Variants in PEX5L observed in about 807,000 individuals in gnomAD.
PEX5L encodes PEX5-related protein.
A neutral mutation model predicts 84.0 loss-of-function variants in PEX5L; 30 were observed. The observed-to-expected ratio is 0.36, with a 90% CI of 0.27 to 0.48. PEX5L has a LOEUF of 0.48. PEX5L is among the 20% of genes least tolerant of loss of function. The pLI, the probability that PEX5L is intolerant of heterozygous loss-of-function variation, is 0.99. For synonymous variants in PEX5L, 270 were observed against 283.1 expected, an observed-to-expected ratio of 0.95 and a Z score of 0.46; for missense variants, 533 against 754.6, an observed-to-expected ratio of 0.71 and a Z score of 3.44.
chr3:179,816,612 A>G (rs1260900077), intron 9 of PEX5L, among the ~76,000 whole-genome samples: 2 of 152,186 alleles, frequency 1.3e-5, no homozygotes, highest in Non-Finnish European at 2.9e-5. Flanking sequence ...GGGGAGGGAT[A>G]GCAACAGGAG....
intron 1 of PEX5L, among the ~76,000 whole-genome samples, chr3:179,977,163 T>A (rs949945849): frequency 3.3e-5 from 5 of 152,208 alleles, no homozygotes; most frequent in Non-Finnish European, 5.9e-5. Flanking sequence ...AATTTTTTTA[T>A]AATTAAAGAA....
chr3:180,007,973 A>C (rs1424168290), intron 1 of PEX5L, among the ~76,000 whole-genome samples: 1 of 152,238 alleles, frequency 6.6e-6, no homozygotes, highest in Non-Finnish European at 1.5e-5. Context: ...CTTGGGGATT[A>C]ACATTAGGCT....
chr3:179,836,701 A>C (rs762416397), intron 8 of PEX5L, among the ~76,000 whole-genome samples: 7 of 152,200 alleles, frequency 4.6e-5, no homozygotes, highest in Non-Finnish European at 7.3e-5. Flanking sequence ...AAAACCAATT[A>C]GATCATTTAA....
intron 4 of PEX5L, among the ~76,000 whole-genome samples, chr3:179,883,614 T>A (rs1295224047): frequency 2.0e-5 from 3 of 152,022 alleles, no homozygotes; most frequent in Non-Finnish European, 4.4e-5. Flanking sequence ...AGAAACCCCG[T>A]CTCTACTAAA....
chr3:179,830,294 C>CCCCT (rs1553845042), intron 8 of PEX5L, among the ~76,000 whole-genome samples: 6 of 142,948 alleles, frequency 4.2e-5, no homozygotes, highest in African/African-American at 1.7e-4. Context: ...CGCCCCCCCC[C>CCCCT]TTTTTTTTAT....
chr3:179,866,716 C>A (rs958855040), intron 7 of PEX5L, among the ~76,000 whole-genome samples: 2 of 151,876 alleles, frequency 1.3e-5, no homozygotes, highest in Non-Finnish European at 2.9e-5. Flanking sequence ...AAACAGCTAA[C>A]AAACATTTGT....
chr3:179,954,605 T>C (rs529213982), intron 2 of PEX5L, among the ~76,000 whole-genome samples: 1 of 152,256 alleles, frequency 6.6e-6, no homozygotes, highest in East Asian at 1.9e-4. Context: ...CTACTGATTG[T>C]ATCTGTAAAT....
chr3:179,879,842 T>C, intron 5 of PEX5L, 87 bp downstream of exon 5: 1 of 908,304 alleles, frequency 1.1e-6, no homozygotes, highest in Non-Finnish European at 1.7e-6. Flanking sequence ...CTTTGTTCTC[T>C]GTTTAATGCC....
chr3:179,914,548 G>A (rs1297635436), intron 2 of PEX5L, among the ~76,000 whole-genome samples: 1 of 152,130 alleles, frequency 6.6e-6, no homozygotes, highest in Non-Finnish European at 1.5e-5. Flanking sequence ...ACAGTCATGT[G>A]GGCACAAAGG....
At position 179,819,855 on chromosome 3, in the gene PEX5L, G is replaced by C. The variant is rs375053953; in HGVS notation, c.939+5C>G. ...GTCAGCATGTATAGGAACAGAATTG[G>C]TTACCTTCTCACTAGCCGAGATGGT... On this transcript the variant is annotated splice_donor_5th_base_variant and intron_variant, in intron 9 of 14. Transcript: ENST00000467460. The C allele has an allele frequency of 1.2e-6, 2 of 1,613,410 alleles. No homozygotes were observed. Among genetic ancestry groups the C allele is most frequent in the African/African-American group, 2.7e-5 (2 of 74,884 alleles).
At chr3:179,917,659 T>G (rs1183105631) in intron 2 of PEX5L, among the ~76,000 whole-genome samples, 1 of 151,332 alleles carries the variant, frequency 6.6e-6, no homozygotes, top group Non-Finnish European at 1.5e-5. Flanking sequence ...TGAAACGTCT[T>G]TTTTTTTTGA....
chr3:179,811,812 G>A lies in PEX5L; in HGVS notation c.1143C>T (p.Val381=), dbSNP rs78759061. The A allele has an allele frequency of 2.7e-5, 43 of 1,613,392 alleles. No homozygotes were observed. The highest frequency in any genetic ancestry group is 2.5e-4 in the East Asian group (11 of 44,894). ...AENENEQAAI[V]ALQRCLELQP... ...TTAGCTTCCTTTACCTCTGGAGGGC[G>A]ACAATAGCTGCTTGTTCATTTTCAT... The change falls in exon 11 of 15, where the codon GTC becomes GTT. Residue 381 remains valine, a synonymous_variant. Transcript: ENST00000467460.
intron 2 of PEX5L, among the ~76,000 whole-genome samples, chr3:179,902,350 A>G (rs1032362846): frequency 6.6e-6 from 1 of 152,210 alleles, no homozygotes; most frequent in African/African-American, 2.4e-5. Context: ...TCTGACTGCC[A>G]TAAATGTCCG....
At position 179,898,132 on chromosome 3, in the gene PEX5L, G is replaced by A. The variant is rs183837649; in HGVS notation, c.198+10C>T. Reference sequence around the variant, plus strand: ...TCAGCTTCCTACAGAAACCCTATGGGTCTGCCCACCTGTGATGTCATAGTA... The same window carrying A: ...TCAGCTTCCTACAGAAACCCTATGGATCTGCCCACCTGTGATGTCATAGTA... On this transcript the variant is annotated intron_variant, in intron 3 of 14. Transcript: ENST00000467460. The A allele has an allele frequency of 1.2e-3, 1,851 of 1,558,302 alleles. 12 individuals carry two copies. The highest frequency in any genetic ancestry group is 5.0e-3 in the South Asian group (449 of 89,822).
intron 3 of PEX5L, among the ~76,000 whole-genome samples, chr3:179,897,138 C>T (rs879677358): frequency 3.9e-5 from 6 of 152,042 alleles, no homozygotes; most frequent in East Asian, 1.9e-4. Flanking sequence ...GGATGAGATC[C>T]GCTGATATTC....
intron 8 of PEX5L, among the ~76,000 whole-genome samples, chr3:179,842,523 A>G (rs1194024077): frequency 6.6e-6 from 1 of 152,104 alleles, no homozygotes; most frequent in Non-Finnish European, 1.5e-5. Context: ...TTTAATAAAT[A>G]TTTTATAAAT....
chr3:180,027,309 C>T (rs934167262), intron 1 of PEX5L, among the ~76,000 whole-genome samples: 4 of 152,176 alleles, frequency 2.6e-5, no homozygotes, highest in Non-Finnish European at 5.9e-5. Flanking sequence ...TAGAAGTCTG[C>T]CAGTGCCCCA....
chr3:179,837,405 C>G (rs1735365056), intron 8 of PEX5L, among the ~76,000 whole-genome samples: 1 of 152,200 alleles, frequency 6.6e-6, no homozygotes, highest in Non-Finnish European at 1.5e-5. Context: ...TCTTAACTCT[C>G]TTAATTTTTC....
intron 1 of PEX5L, among the ~76,000 whole-genome samples, chr3:180,019,086 G>A (rs997575797): frequency 6.6e-6 from 1 of 152,156 alleles, no homozygotes; most frequent in Non-Finnish European, 1.5e-5. Context: ...GGAGTGGAAC[G>A]TGTGAAGGAA....
Sources: allele counts gnomAD v4.1 joint callset (sites outside exome capture counted in the v4.1 genomes callset), GRCh38; gene constraint gnomAD v4.1.1; transcripts MANE v1.5; gene names NCBI Gene and HGNC (gene_info 2026-07-23, HGNC 2026-07-21).